The following GLYAT variants were observed in gnomAD, a reference collection of about 807,000 sequenced individuals.
The protein encoded by GLYAT is glycine N-acyltransferase.
GLYAT carries 25 observed loss-of-function variants against 22.8 expected under a neutral mutation model. The observed-to-expected ratio is 1.09, with a 90% CI of 0.80 to 1.53. The LOEUF (loss-of-function observed/expected upper bound fraction) is 1.53. GLYAT is among the 40% of genes most tolerant of loss of function. GLYAT has a pLI of 0.00. For synonymous variants in GLYAT, 140 were observed against 122.7 expected (o/e 1.14, Z -0.93); for missense variants, 411 against 353.9 (o/e 1.16, Z -1.29).
chr11:58,712,852 G>A lies in GLYAT; in HGVS notation c.224C>T (p.Thr75Ile). Reference protein sequence around the residue: ...MTDDLDHYTNTYQIYSKDPQN... With the variant: ...MTDDLDHYTNIYQIYSKDPQN... ...GGGATCTTTGGAGTAGATTTGGTAA[G>A]TATTGGTATAGTGATCAAGGTCATC... Residue 75 changes from threonine (T) to isoleucine (I), a missense_variant, in exon 4 of 6, where the codon ACT becomes ATT. Coordinates refer to ENST00000344743, the MANE Select transcript of GLYAT (RefSeq NM_201648.3). 6.2e-7 allele frequency: 1 copy of A among 1,606,636 alleles called. No individual in the cohort carries two copies. The highest frequency in any genetic ancestry group is 1.1e-5 in the South Asian group (1 of 90,944).
In GLYAT at chr11:58,724,112, A is replaced by T. The variant is rs147604182; in HGVS notation, c.81+304T>A. 3.3e-3 allele frequency: 781 copies of T among 237,188 alleles called. 6 individuals carry two copies. The highest frequency in any genetic ancestry group is 0.016 in the African/African-American group (709 of 44,700). 14.7% of individuals were successfully genotyped at this position (237,188 alleles called of 1,614,324 possible). The stretch of plus-strand genomic sequence containing the variant: ...CTTCTTGGAAAGGAGCAAGGAAGTA[A>T]TTTTTTGAGTTAGCACAGAGCAAAA... On this transcript the variant is annotated intron_variant, in intron 2 of 5. Coordinates refer to ENST00000344743, the MANE Select transcript of GLYAT (RefSeq NM_201648.3).
chr11:58,715,881 A>T (rs1437535519), intron 2 of GLYAT, among the ~76,000 whole-genome samples: 1 of 152,172 alleles, frequency 6.6e-6, no homozygotes, highest in South Asian at 2.1e-4. Context: ...TTCTTTATAG[A>T]ATGTTCTTTC....
intron 1 of GLYAT, among the ~76,000 whole-genome samples, chr11:58,727,529 A>C (rs1043322922): frequency 6.6e-6 from 1 of 152,112 alleles, no homozygotes; most frequent in Non-Finnish European, 1.5e-5. Context: ...CTTTAGCCCT[A>C]TCACTCTCAC....
At chr11:58,722,432 T>G (rs926519912) in intron 2 of GLYAT, among the ~76,000 whole-genome samples, 4 of 152,030 alleles carry the variant, frequency 2.6e-5, no homozygotes, top group African/African-American at 9.7e-5. Flanking sequence ...GAGGCCTCGA[T>G]CAATATATGT....
chr11:58,714,375 A>G (rs1464513409), intron 3 of GLYAT, among the ~76,000 whole-genome samples: 1 of 152,172 alleles, frequency 6.6e-6, no homozygotes, highest in African/African-American at 2.4e-5. Context: ...CATTAAAAGT[A>G]TATTTGTGTT....
Position 58,710,111 on chromosome 11 carries a change from A to G in GLYAT, c.546T>C (p.Asn182=), listed in dbSNP as rs766712827. ...SMDVTHAHLV[N]KFWHFGGNER... ...CATTACCACCAAAATGCCAGAATTT[A>G]TTCACCAAGTGAGCATGGGTAACAT... Residue 182 remains asparagine (N), a synonymous_variant, in exon 6 of 6, where the codon AAT becomes AAC. Coordinates refer to ENST00000344743, the MANE Select transcript of GLYAT (RefSeq NM_201648.3). 5 of 1,614,016 alleles carry G rather than the reference A, an allele frequency of 3.1e-6. No individual in the cohort carries two copies. Among genetic ancestry groups the G allele is most frequent in the East Asian group, 4.5e-5 (2 of 44,896 alleles).
intron 2 of GLYAT, among the ~76,000 whole-genome samples, chr11:58,724,068 C>T (rs1856784283): frequency 6.6e-6 from 1 of 152,034 alleles, no homozygotes; most frequent in Non-Finnish European, 1.5e-5. Context: ...GGGCAAATTT[C>T]AAATGTTATT....
chr11:58,712,706 A>T, intron 4 of GLYAT, 54 bp downstream of exon 4: 1 of 1,541,678 alleles, frequency 6.5e-7, no homozygotes, highest in East Asian at 2.3e-5. Context: ...GTCATATGAA[A>T]ACTTGCTCAG....
rs59024461 is a variant in GLYAT at position 58,718,894 on chromosome 11, AC to A, written c.82-3472del. ...AATATGATTATTATTGATAATGTAT[AC>A]TAAATTATATTATAATTACAGGAGT... On this transcript the variant is annotated intron_variant, in intron 2 of 5. Transcript: ENST00000344743. 5.8e-3 allele frequency among the ~76,000 whole-genome samples: 887 copies of A among 152,146 alleles called. 7 individuals carry two copies. The highest frequency in any genetic ancestry group is 0.02 in the African/African-American group (839 of 41,548).
chr11:58,711,670 T>C (rs1856618362), intron 4 of GLYAT, among the ~76,000 whole-genome samples: 1 of 152,120 alleles, frequency 6.6e-6, no homozygotes, highest in Admixed American at 6.5e-5. Flanking sequence ...GTAGGTAACA[T>C]CTACTAAGCT....
intron 2 of GLYAT, among the ~76,000 whole-genome samples, chr11:58,722,461 GT>G (rs1856762078): frequency 6.6e-6 from 1 of 152,050 alleles, no homozygotes; most frequent in Non-Finnish European, 1.5e-5. Context: ...CTTTGGTTCG[GT>G]TTGGAAAGGT....
chr11:58,710,086 C>G lies in GLYAT; in HGVS notation c.571G>C (p.Glu191Gln), dbSNP rs1392543634. ...VNKFWHFGGN[E>Q]RSQRFIERCI... is the part of the protein sequence containing the mutation. Reference sequence around the variant, plus strand: ...CGCTCAATGAATCTCTGGCTCCTCTCATTACCACCAAAATGCCAGAATTTA... The same window carrying G: ...CGCTCAATGAATCTCTGGCTCCTCTGATTACCACCAAAATGCCAGAATTTA... The change falls in exon 6 of 6, where the codon GAG becomes CAG. Residue 191 changes from glutamate to glutamine, a missense_variant. Transcript: ENST00000344743. 14 of 1,613,954 alleles carry G rather than the reference C, an allele frequency of 8.7e-6. No homozygotes were observed. Among genetic ancestry groups the G allele is most frequent in the Non-Finnish European group, 1.1e-5 (13 of 1,179,966 alleles).
rs1186122677 is a variant in GLYAT at position 58,724,253 on chromosome 11, ACAT to A, written c.81+160_81+162del. The A allele has an allele frequency of 1.2e-5, 6 of 503,730 alleles. No individual in the cohort carries two copies. In the East Asian group the frequency reaches 1.8e-4, roughly 15 times the overall value. 31.2% of individuals were successfully genotyped at this position (503,730 alleles called of 1,614,324 possible). On this transcript the variant is annotated intron_variant, in intron 2 of 5. Transcript: ENST00000344743. ...CTTCATTTTCTTAACAGCAACATGG[ACAT>A]GACAGTAAACATCTTGTAGAGAGGT...
chr11:58,711,200 G>GC (rs1166252558), intron 4 of GLYAT, among the ~76,000 whole-genome samples: 1 of 152,078 alleles, frequency 6.6e-6, no homozygotes, highest in African/African-American at 2.4e-5. Flanking sequence ...CAAGTTACTT[G>GC]CCCCTTCCTT....
chr11:58,715,405 G>T lies in GLYAT; in HGVS notation c.100C>A (p.His34Asn). The change falls in exon 3 of 6, where the codon CAC becomes AAC. Residue 34 changes from histidine (H) to asparagine (N), a missense_variant. By Grantham distance (68) the His-to-Asn change is moderately conservative. Coordinates refer to ENST00000344743, the MANE Select transcript of GLYAT (RefSeq NM_201648.3). The stretch of plus-strand genomic sequence containing the variant: ...TTGAATGGATTTCCATGGTTTATGT[G>T]AAAGACAGTTCCATAAACCTGCAGG... ...ASLKVYGTVF[H>N]INHGNPFNLK... 6 of 1,564,938 alleles carry T rather than the reference G, an allele frequency of 3.8e-6. No individual in the cohort carries two copies. Among genetic ancestry groups the T allele is most frequent in the Non-Finnish European group, 5.3e-6 (6 of 1,137,892 alleles).
rs186798670 is a variant in GLYAT at position 58,718,502 on chromosome 11, A to G, written c.82-3079T>C. ...TCCTGAAAGTTTTTTCTCTATTCTG[A>G]TGTCACAATCTCCAAAGTTATCAGA... is the stretch of plus-strand genomic sequence containing the variant. On this transcript the variant is annotated intron_variant, in intron 2 of 5. Coordinates refer to ENST00000344743, the MANE Select transcript of GLYAT (RefSeq NM_201648.3). Among the ~76,000 whole-genome samples the G allele has an allele frequency of 2.6e-5, 4 of 152,132 alleles. No homozygotes were observed. In the East Asian group the frequency reaches 7.7e-4, roughly 29 times the overall value.
chr11:58,710,400 A>C, intron 5 of GLYAT, 190 bp downstream of exon 5: 1 of 744,640 alleles, frequency 1.3e-6, no homozygotes, highest in Non-Finnish European at 2.1e-6. Flanking sequence ...GGTTTATTCT[A>C]GATGAGAAGG....
At chr11:58,729,434 T>C (rs1370118333) in intron 1 of GLYAT, among the ~76,000 whole-genome samples, 3 of 152,228 alleles carry the variant, frequency 2.0e-5, no homozygotes, top group African/African-American at 7.2e-5. Flanking sequence ...CGTATATATT[T>C]ATGCTGTTCA....
chr11:58,717,732 T>G (rs183705058), intron 2 of GLYAT, among the ~76,000 whole-genome samples: 57 of 152,188 alleles, frequency 3.7e-4, no homozygotes, highest in South Asian at 1.2e-3. Flanking sequence ...CTCTCCAGTT[T>G]CCCATTTTTA....
Sources: allele counts gnomAD v4.1 joint callset (sites outside exome capture counted in the v4.1 genomes callset), GRCh38; gene constraint gnomAD v4.1.1; transcripts MANE v1.5; gene names NCBI Gene and HGNC (gene_info 2026-07-23, HGNC 2026-07-21).